Variants in GALM observed in about 807,000 individuals in gnomAD.
GALM encodes the protein galactose mutarotase, also known as aldose 1-epimerase.
A neutral mutation model predicts 37.4 loss-of-function variants in GALM; 43 were observed. The ratio of observed to expected loss-of-function variants is 1.15; its 90% CI spans 0.90 to 1.48. GALM has a LOEUF of 1.48. GALM is among the 40% of genes most tolerant of loss of function. The probability of loss-of-function intolerance (pLI) is 0.00; values close to 1 mark genes in which losing one functional copy is unlikely to be tolerated. For missense variants in GALM, 456 were observed against 419.1 expected (o/e 1.09, Z -0.77); for synonymous variants, 199 against 170.6 (o/e 1.17, Z -1.30).
chr2:38,699,359 T>C (rs1366593541), intron 4 of GALM, among the ~76,000 whole-genome samples: 1 of 152,260 alleles, frequency 6.6e-6, no homozygotes, highest in Non-Finnish European at 1.5e-5. Context: ...AATTAGCATA[T>C]CCATCACCTC....
chr2:38,673,104 A>C (rs993583753), intron 1 of GALM, among the ~76,000 whole-genome samples: 2 of 152,210 alleles, frequency 1.3e-5, no homozygotes, highest in Non-Finnish European at 2.9e-5. Flanking sequence ...GCAAACCAGG[A>C]AAGGCCTGGA....
chr2:38,697,496 A>T (rs1426345376), intron 4 of GALM, among the ~76,000 whole-genome samples: 1 of 152,176 alleles, frequency 6.6e-6, no homozygotes, highest in African/African-American at 2.4e-5. Flanking sequence ...AACGTGTGCT[A>T]TTCTTGAGGG....
chr2:38,694,915 A>G (rs912297659), intron 4 of GALM, among the ~76,000 whole-genome samples: 8 of 150,520 alleles, frequency 5.3e-5, no homozygotes, highest in African/African-American at 2.0e-4. Context: ...AAAAAAAACA[A>G]AAAAAGAAAG....
chr2:38,690,483 C>T (rs959048644), intron 4 of GALM, among the ~76,000 whole-genome samples: 3 of 152,088 alleles, frequency 2.0e-5, no homozygotes, highest in African/African-American at 7.2e-5. Context: ...GTTGCCCAGG[C>T]TGGAGTACAG....
chr2:38,726,319 C>T (rs956266405), intron 4 of GALM, among the ~76,000 whole-genome samples: 9 of 150,186 alleles, frequency 6.0e-5, no homozygotes, highest in South Asian at 2.1e-4. Flanking sequence ...CTCCGCCTCC[C>T]GGGTTCACGC....
chr2:38,719,094 G>T (rs1666325285), intron 4 of GALM, among the ~76,000 whole-genome samples: 1 of 151,888 alleles, frequency 6.6e-6, no homozygotes, highest in African/African-American at 2.4e-5. Flanking sequence ...TGCTACAGCT[G>T]CACTTTCACT....
chr2:38,715,244 A>G (rs1283622319), intron 4 of GALM, among the ~76,000 whole-genome samples: 1 of 151,972 alleles, frequency 6.6e-6, no homozygotes, highest in Non-Finnish European at 1.5e-5. Flanking sequence ...CTTTCAGTCT[A>G]TGTGTCTTTA....
At chr2:38,696,454 A>T in intron 4 of GALM, among the ~76,000 whole-genome samples, 1 of 138,472 alleles carries the variant, frequency 7.2e-6, no homozygotes. Context: ...TTTTTTTGAG[A>T]CAGGGTCTCT....
chr2:38,672,655 A>C (rs1484646739), intron 1 of GALM, among the ~76,000 whole-genome samples: 1 of 152,180 alleles, frequency 6.6e-6, no homozygotes, highest in Non-Finnish European at 1.5e-5. Flanking sequence ...TTCTGTCCTC[A>C]GTTTCCACAT....
Position 38,715,444 on chromosome 2 carries a change from T to C in GALM, c.635-14112T>C, listed in dbSNP as rs115860565. Among the ~76,000 whole-genome samples the C allele has an allele frequency of 5.4e-3, 822 of 152,348 alleles. 4 individuals carry two copies. Among genetic ancestry groups the C allele is most frequent in the African/African-American group, 0.019 (787 of 41,590 alleles). On this transcript the variant is annotated intron_variant, in intron 4 of 6. Transcript: ENST00000272252. The stretch of plus-strand genomic sequence containing the variant: ...AGAATCAAGGCGTTTTTGTTGTTTA[T>C]TTTTTGTTTTGGAGACAGGGCCTTG...
intron 1 of GALM, among the ~76,000 whole-genome samples, chr2:38,671,857 T>C (rs544738472): frequency 6.6e-6 from 1 of 152,066 alleles, no homozygotes; most frequent in South Asian, 2.1e-4. Context: ...CCAGGTGTGG[T>C]GGCGCATGCC....
intron 4 of GALM, among the ~76,000 whole-genome samples, chr2:38,727,780 A>G (rs1666517150): frequency 6.6e-6 from 1 of 151,968 alleles, no homozygotes; most frequent in Non-Finnish European, 1.5e-5. Flanking sequence ...TTTTACTCAG[A>G]TAGATTTGTG....
At chr2:38,722,961 G>A (rs768794756) in intron 4 of GALM, among the ~76,000 whole-genome samples, 4 of 152,104 alleles carry the variant, frequency 2.6e-5, no homozygotes, top group Non-Finnish European at 4.4e-5. Context: ...GTAAGGGGAC[G>A]GGATGAGGGA....
intron 4 of GALM, among the ~76,000 whole-genome samples, chr2:38,710,859 T>G (rs1346103989): frequency 6.6e-6 from 1 of 151,548 alleles, no homozygotes; most frequent in Non-Finnish European, 1.5e-5. Flanking sequence ...GTTCAAGCGA[T>G]TCTCCTGCCT....
chr2:38,725,214 C>G (rs1281740799), intron 4 of GALM, among the ~76,000 whole-genome samples: 1 of 152,082 alleles, frequency 6.6e-6, no homozygotes, highest in Non-Finnish European at 1.5e-5. Flanking sequence ...CATGAGAATA[C>G]CTGCTTTTTT....
chr2:38,681,509 T>A, intron 3 of GALM, 23 bp downstream of exon 3: 2 of 1,582,332 alleles, frequency 1.3e-6, no homozygotes, highest in Non-Finnish European at 1.7e-6. Flanking sequence ...GTTTCTTCTT[T>A]CCTGCTTCGT....
At chr2:38,694,562 G>T (rs1665756313) in intron 4 of GALM, among the ~76,000 whole-genome samples, 2 of 152,148 alleles carry the variant, frequency 1.3e-5, no homozygotes, top group Non-Finnish European at 2.9e-5. Flanking sequence ...TGAAATTAAA[G>T]AGCATGAATT....
At chr2:38,691,422 A>G (rs987584552) in intron 4 of GALM, among the ~76,000 whole-genome samples, 1 of 152,158 alleles carries the variant, frequency 6.6e-6, no homozygotes, top group Admixed American at 6.6e-5. Flanking sequence ...TCACACCTGT[A>G]ATCCCAGCAC....
At chr2:38,685,675 C>T (rs1572518208) in intron 3 of GALM, among the ~76,000 whole-genome samples, 1 of 151,992 alleles carries the variant, frequency 6.6e-6, no homozygotes, top group East Asian at 1.9e-4. Context: ...TTTTTCCAGC[C>T]TAGAAGAGTC....
Sources: gnomAD v4.1 joint callset for allele counts (sites outside exome capture counted in the v4.1 genomes callset) on GRCh38, gnomAD v4.1.1 for gene constraint, MANE v1.5 for transcripts, NCBI Gene and HGNC (gene_info 2026-07-23, HGNC 2026-07-21) for gene names.